Variants in C12orf42 observed in about 807,000 individuals in gnomAD.
The protein encoded by C12orf42 is chromosome 12 open reading frame 42.
C12orf42 carries 25 observed loss-of-function variants against 21.6 expected under a neutral mutation model. That is an observed-to-expected ratio of 1.16 (90% CI 0.84 to 1.62). C12orf42 has a LOEUF of 1.62. Among genes scored for constraint, C12orf42 ranks in the 40% most tolerant of loss-of-function variants. The pLI is 0.00. For missense variants in C12orf42, 483 were observed against 459.3 expected (o/e 1.05, Z -0.47); for synonymous variants, 174 against 175.0 (o/e 0.99, Z 0.05).
the C12orf42 span, among the ~76,000 whole-genome samples, chr12:103,213,573 A>G: frequency 1.2e-4 from 18 of 152,196 alleles, no homozygotes; most frequent in African/African-American, 4.1e-4. Flanking sequence ...GCAAAACAGA[A>G]GCCATCCCAG....
chr12:103,168,143 G>A, the C12orf42 span: 11 of 453,726 alleles, frequency 2.4e-5, no homozygotes, highest in Non-Finnish European at 4.0e-5. Flanking sequence ...TAAGAGGCAA[G>A]ACCCAGGGCA....
chr12:103,428,074 C>T (rs1437691702), intron 2 of C12orf42, among the ~76,000 whole-genome samples: 2 of 152,042 alleles, frequency 1.3e-5, no homozygotes, highest in South Asian at 2.1e-4. Context: ...ACTAGAGAAG[C>T]AAGAGCAAAC....
At chr12:103,100,760 A>C in the C12orf42 span, among the ~76,000 whole-genome samples, 1 of 152,216 alleles carries the variant, frequency 6.6e-6, no homozygotes, top group Admixed American at 6.5e-5. Flanking sequence ...AGCATAACCC[A>C]GTCTGGCTCT....
chr12:103,103,163 A>G, the C12orf42 span, among the ~76,000 whole-genome samples: 1 of 152,204 alleles, frequency 6.6e-6, no homozygotes, highest in African/African-American at 2.4e-5. Context: ...GAGCCATCAT[A>G]TCCATAGGTT....
In C12orf42 at chr12:103,252,612, A is replaced by C. The variant is rs141230170; in HGVS notation, c.*1366+10714T>G. Among the ~76,000 whole-genome samples, 889 of 152,228 alleles carry C rather than the reference A, an allele frequency of 5.8e-3. 9 individuals carry two copies. Among genetic ancestry groups the C allele is most frequent in the African/African-American group, 0.02 (851 of 41,528 alleles). ...GTCTTCTTTTGAGAAGTGTCTGTTC[A>C]TGTCCTTTGCCCACTTTTTGATGGG... On this transcript the variant is annotated intron_variant and NMD_transcript_variant, in intron 10 of 10. Coordinates refer to the C12orf42 transcript ENST00000547347.
chr12:103,334,831 C>G (rs1459321246), intron 4 of C12orf42, among the ~76,000 whole-genome samples: 1 of 152,234 alleles, frequency 6.6e-6, no homozygotes, highest in Non-Finnish European at 1.5e-5. Context: ...CGACCCCACT[C>G]AAGAAAAATG....
At chr12:103,495,826 G>A (rs1955515782) in intron 1 of C12orf42, 76 bp downstream of exon 1, 1 of 152,206 alleles carries the variant, frequency 6.6e-6, no homozygotes, top group Non-Finnish European at 1.5e-5. Flanking sequence ...CTGGAGTCCC[G>A]GGGAGCAGCA....
chr12:103,515,975 G>A, the C12orf42 span, among the ~76,000 whole-genome samples: 3 of 152,294 alleles, frequency 2.0e-5, no homozygotes, highest in South Asian at 2.1e-4. Flanking sequence ...GTAGATGCAC[G>A]TGCTGGATTG....
the C12orf42 span, among the ~76,000 whole-genome samples, chr12:103,553,293 T>C: frequency 6.6e-5 from 10 of 152,272 alleles, no homozygotes; most frequent in South Asian, 2.1e-3. Flanking sequence ...TTTCTCTTTC[T>C]AACAGCAAAA....
At chr12:103,214,500 C>G in the C12orf42 span, among the ~76,000 whole-genome samples, 1 of 152,154 alleles carries the variant, frequency 6.6e-6, no homozygotes, top group Non-Finnish European at 1.5e-5. Context: ...TATCCCCGCA[C>G]GGAGATCTGG....
the C12orf42 span, among the ~76,000 whole-genome samples, chr12:103,116,874 T>C: frequency 6.6e-6 from 1 of 152,162 alleles, no homozygotes; most frequent in African/African-American, 2.4e-5. Flanking sequence ...CAAATCTAGG[T>C]TTGCCTAATC....
At chr12:103,325,922 A>G (rs1418803954) in intron 4 of C12orf42, among the ~76,000 whole-genome samples, 1 of 152,202 alleles carries the variant, frequency 6.6e-6, no homozygotes, top group Non-Finnish European at 1.5e-5. Flanking sequence ...TCAGAGAATG[A>G]GCGATTCTCT....
chr12:103,231,047 G>A, the C12orf42 span, among the ~76,000 whole-genome samples: 1 of 152,018 alleles, frequency 6.6e-6, no homozygotes, highest in Non-Finnish European at 1.5e-5. Flanking sequence ...ATATTTAGAA[G>A]CACATTTTAA....
At chr12:103,468,829 C>T (rs1262293165) in intron 2 of C12orf42, among the ~76,000 whole-genome samples, 3 of 152,126 alleles carry the variant, frequency 2.0e-5, no homozygotes, top group Non-Finnish European at 4.4e-5. Flanking sequence ...GAGTTGGGAC[C>T]AAAGAAACCC....
At chr12:103,206,490 T>A in the C12orf42 span, among the ~76,000 whole-genome samples, 1 of 150,956 alleles carries the variant, frequency 6.6e-6, no homozygotes, top group Admixed American at 6.6e-5. Context: ...ATCTCTATAA[T>A]ACATTAATCT....
the C12orf42 span, among the ~76,000 whole-genome samples, chr12:103,174,927 C>T: frequency 1.1e-4 from 17 of 151,966 alleles, no homozygotes; most frequent in Admixed American, 5.2e-4. Context: ...ATGTATCCAG[C>T]GAAAAGTAAA....
chr12:103,472,103 G>T (rs887712126), intron 2 of C12orf42: 1 of 124,438 alleles, frequency 8.0e-6, no homozygotes, highest in Non-Finnish European at 1.6e-5. Context: ...CGCCCAGGCT[G>T]GAGTGCAGTG....
At chr12:103,487,457 G>A (rs1033047020) in intron 1 of C12orf42, among the ~76,000 whole-genome samples, 2 of 152,218 alleles carry the variant, frequency 1.3e-5, no homozygotes, top group African/African-American at 2.4e-5. Flanking sequence ...GAGTTCTGTA[G>A]ATGTCTATTA....
chr12:103,303,702 T>C lies in C12orf42; in HGVS notation c.632-1143A>G, dbSNP rs538804996. 3.9e-5 allele frequency among the ~76,000 whole-genome samples: 6 copies of C among 152,362 alleles called. No individual in the cohort carries two copies. In the East Asian group the frequency reaches 1.2e-3, roughly 29 times the overall value. On this transcript the variant is annotated intron_variant, in intron 5 of 5. Transcript: ENST00000548883. ...CTAGTATGTACTGAGCACCTCCCTC[T>C]GCACATTCCACATGCCCAAGTCAAA...
Sources: gnomAD v4.1 joint callset for allele counts (sites outside exome capture counted in the v4.1 genomes callset) on GRCh38, gnomAD v4.1.1 for gene constraint, MANE v1.5 for transcripts, NCBI Gene and HGNC (gene_info 2026-07-23, HGNC 2026-07-21) for gene names.